Variants in GLIS3 observed in about 807,000 individuals in gnomAD.
GLIS3 encodes the protein GLIS family zinc finger 3.
In GLIS3, 53 loss-of-function variants were observed where a neutral mutation model predicts 78.6. That is an observed-to-expected ratio of 0.67 (90% confidence interval 0.54 to 0.85). The LOEUF is 0.85. GLIS3 is among the 40% of genes least tolerant of loss of function. The pLI is 0.00. For missense variants in GLIS3, 1,703 were observed against 1,231.1 expected, an observed-to-expected ratio of 1.38 and a Z score of -5.74; for synonymous variants, 684 against 509.9, an observed-to-expected ratio of 1.34 and a Z score of -4.60.
the GLIS3 span, among the ~76,000 whole-genome samples, chr9:4,438,824 A>G: frequency 6.6e-6 from 1 of 152,182 alleles, no homozygotes; most frequent in Non-Finnish European, 1.5e-5. Context: ...CATAATTGTG[A>G]GAACTCCCCA....
intron 4 of GLIS3, among the ~76,000 whole-genome samples, chr9:4,046,178 A>G (rs1825233437): frequency 1.3e-5 from 2 of 152,200 alleles, no homozygotes; most frequent in Non-Finnish European, 2.9e-5. Context: ...AAAACTTGTT[A>G]TAAACTGTTT....
rs1305018984 is a variant in GLIS3, at chr9:4,299,736, C to G, written c.-414G>C. The G allele has an allele frequency of 6.6e-6, 1 of 152,362 alleles. No individual in the cohort carries two copies. Among genetic ancestry groups the G allele is most frequent in the Admixed American group, 6.5e-5 (1 of 15,294 alleles). The allele number at this position is 152,362 out of a possible 1,614,324, so 9.4% of individuals were successfully genotyped here. A position where few individuals can be genotyped will look rare whatever the true frequency, so the allele number is the denominator to read the frequency against. On this transcript the variant is annotated 5_prime_UTR_variant, in exon 1 of 11. Transcript: ENST00000381971. ...CATTCTCCCCTGCTACACACATACA[C>G]ACACAAATAATGTTTCTAAAAAGTT... is the stretch of plus-strand genomic sequence containing the variant.
chr9:4,138,413 T>C (rs1381951366), intron 2 of GLIS3, among the ~76,000 whole-genome samples: 4 of 152,106 alleles, frequency 2.6e-5, no homozygotes, highest in East Asian at 1.9e-4. Flanking sequence ...TAATCTTAAA[T>C]TGAGTTGCTT....
chr9:3,955,729 G>A (rs1300795697), intron 4 of GLIS3, among the ~76,000 whole-genome samples: 1 of 152,092 alleles, frequency 6.6e-6, no homozygotes, highest in Non-Finnish European at 1.5e-5. Context: ...GGATTCAAAA[G>A]CCATAGAGAA....
rs541170140 is a variant in GLIS3 at position 4,151,372 on chromosome 9, A to G, written c.389-25431T>C. Among the ~76,000 whole-genome samples the G allele has an allele frequency of 3.3e-5, 5 of 152,354 alleles. No individual in the cohort carries two copies. In the South Asian group the frequency reaches 8.3e-4, roughly 25 times the overall value. Reference sequence around the variant, plus strand: ...TATATGTTTTAGCAGAAACACAGCTAAACCACAGGTTTTATTAGAACTAGT... The same window carrying G: ...TATATGTTTTAGCAGAAACACAGCTGAACCACAGGTTTTATTAGAACTAGT... On this transcript the variant is annotated intron_variant, in intron 2 of 10. Transcript: ENST00000381971.
intron 4 of GLIS3, among the ~76,000 whole-genome samples, chr9:3,953,795 C>CTCTCTCTATATA (rs1403671770): frequency 5.3e-4 from 39 of 73,310 alleles, no homozygotes; most frequent in Admixed American, 3.5e-3. Flanking sequence ...CTCTCTCTCT[C>CTCTCTCTATATA]TATATATATA....
At chr9:4,152,119 T>C (rs1006786253) in intron 2 of GLIS3, 12 of 983,310 alleles carry the variant, frequency 1.2e-5, no homozygotes, top group Non-Finnish European at 1.4e-5. Flanking sequence ...CAAACCTCTA[T>C]TAGTTGCCAC....
At chr9:4,070,547 A>T (rs868786720) in intron 4 of GLIS3, among the ~76,000 whole-genome samples, 6 of 151,864 alleles carry the variant, frequency 4.0e-5, no homozygotes, top group African/African-American at 7.2e-5. Flanking sequence ...TGTGTGTGTG[A>T]GAGAGAGAGA....
chr9:4,051,239 A>G (rs1165213455), intron 4 of GLIS3, among the ~76,000 whole-genome samples: 6 of 152,238 alleles, frequency 3.9e-5, no homozygotes, highest in African/African-American at 7.2e-5. Flanking sequence ...TTAACAAGAC[A>G]TTCAATTGCT....
At chr9:4,153,806 T>C (rs1269018315) in intron 2 of GLIS3, among the ~76,000 whole-genome samples, 1 of 152,244 alleles carries the variant, frequency 6.6e-6, no homozygotes. Flanking sequence ...GATTATCTAC[T>C]GCTACATAGC....
At chr9:4,070,856 C>G (rs567715838) in intron 4 of GLIS3, 1 of 152,168 alleles carries the variant, frequency 6.6e-6, no homozygotes, top group South Asian at 2.1e-4. Context: ...GGTATAAAAG[C>G]CTAGGTAAGA....
At chr9:4,152,157 C>T in intron 2 of GLIS3, 3 of 978,140 alleles carry the variant, frequency 3.1e-6, no homozygotes, top group Non-Finnish European at 3.6e-6. Flanking sequence ...ACTCTGCTTC[C>T]TCCAACACCC....
At chr9:4,019,673 T>A (rs1432038115) in intron 4 of GLIS3, among the ~76,000 whole-genome samples, 1 of 152,064 alleles carries the variant, frequency 6.6e-6, no homozygotes, top group African/African-American at 2.4e-5. Flanking sequence ...TAGAGTAGGG[T>A]AAGGGAGATC....
At position 4,118,574 on chromosome 9, in the gene GLIS3, C is replaced by G; in HGVS notation, c.904G>C (p.Ala302Pro). 1.9e-6 allele frequency: 3 copies of G among 1,614,220 alleles called. No homozygotes were observed. Among genetic ancestry groups the G allele is most frequent in the Admixed American group, 1.7e-5 (1 of 60,032 alleles). The change falls in exon 4 of 11, where the codon GCG becomes CCG. Residue 302 changes from alanine (A) to proline (P), a missense_variant. Coordinates refer to ENST00000381971, the MANE Select transcript of GLIS3 (RefSeq NM_001042413.2). This position sits in a 1 kb window ranked among gnomAD's most constrained non-coding sequence, Gnocchi z 4.7. Reference sequence around the variant, plus strand: ...TCGGACAGCGGGGACAAGGACAGCGCTCTCTTCTTGGAGCGGGCCGAGTGG... The same window carrying G: ...TCGGACAGCGGGGACAAGGACAGCGGTCTCTTCTTGGAGCGGGCCGAGTGG... ...RSHSARSKKR[A>P]LSLSPLSDGI...
intron 8 of GLIS3, among the ~76,000 whole-genome samples, chr9:3,861,373 C>A (rs560233082): frequency 6.6e-6 from 1 of 152,190 alleles, no homozygotes; most frequent in South Asian, 2.1e-4. Context: ...GACCTAGAAC[C>A]AGAAATACCA....
At chr9:4,283,271 T>G (rs1028902383) in intron 2 of GLIS3, among the ~76,000 whole-genome samples, 6 of 11,048 alleles carry the variant, frequency 5.4e-4, no homozygotes, top group Non-Finnish European at 7.7e-4. Context: ...GTTTTTTTGT[T>G]TTTTTTTTTT....
At chr9:4,321,634 T>C (rs1334057982) in intron 2 of GLIS3, among the ~76,000 whole-genome samples, 1 of 120,332 alleles carries the variant, frequency 8.3e-6, no homozygotes, top group Non-Finnish European at 1.6e-5. Flanking sequence ...TACATGTCTC[T>C]TTGTGAACCT....
intron 2 of GLIS3, among the ~76,000 whole-genome samples, chr9:4,321,531 T>C (rs1024347899): frequency 2.0e-5 from 3 of 147,264 alleles, no homozygotes; most frequent in African/African-American, 7.4e-5. Flanking sequence ...ACCCAGTGCA[T>C]GGTCTTCTCT....
chr9:4,083,941 C>T (rs1376790624), intron 4 of GLIS3, among the ~76,000 whole-genome samples: 1 of 152,158 alleles, frequency 6.6e-6, no homozygotes, highest in African/African-American at 2.4e-5. Flanking sequence ...GAAACTGCCT[C>T]TGTTTAACTA....
Sources: gnomAD v4.1 joint callset for allele counts (sites outside exome capture counted in the v4.1 genomes callset) on GRCh38, gnomAD v4.1.1 for gene constraint, Gnocchi (gnomAD v3.1) non-coding constraint, MANE v1.5 for transcripts, NCBI Gene and HGNC (gene_info 2026-07-23, HGNC 2026-07-21) for gene names.